The following IL34 variants were observed in gnomAD, a reference collection of about 807,000 sequenced individuals.
The protein encoded by IL34 is interleukin-34.
Under a neutral mutation model 25.3 loss-of-function variants are expected in IL34, and 17 were observed. That is an observed-to-expected ratio of 0.67 (90% CI 0.46 to 1.01). IL34 has a LOEUF of 1.01. IL34 is among the 50% of genes least tolerant of loss of function. IL34 has a pLI of 0.00. For synonymous variants in IL34, 174 were observed against 140.9 expected (o/e 1.23, Z -1.66); for missense variants, 368 against 312.9 (o/e 1.18, Z -1.33).
rs142587592 is a variant in IL34, at chr16:70,657,049, C to T, written c.330C>T (p.Leu110=). Residue 110 remains leucine (L), a synonymous_variant, in exon 4 of 6, where the codon CTC becomes CTT. Coordinates refer to ENST00000288098, the MANE Select transcript of IL34 (RefSeq NM_001393494.1). ...CTGAGTCGGTGCAGGACGTGCTGCT[C>T]GAGGGCCACCCATCCTGGAAGTACC... is the stretch of plus-strand genomic sequence containing the variant. The part of the protein sequence containing the change: ...SATESVQDVL[L]EGHPSWKYLQ... The T allele has an allele frequency of 1.4e-5, 23 of 1,612,646 alleles. No individual in the cohort carries two copies. The East Asian group carries it at 2.9e-4, about 20-fold the overall frequency.
intron 1 of IL34, among the ~76,000 whole-genome samples, chr16:70,619,081 G>T (rs1003928452): frequency 4.6e-5 from 7 of 152,208 alleles, no homozygotes; most frequent in African/African-American, 1.4e-4. Flanking sequence ...GAACTAACTT[G>T]TAAGGCTTGT....
rs555592203 is a variant in IL34, at chr16:70,623,510, C to A, written c.-400-23038C>A. Among the ~76,000 whole-genome samples the A allele has an allele frequency of 6.6e-5, 10 of 152,102 alleles. No individual in the cohort carries two copies. In the East Asian group the frequency reaches 1.5e-3, roughly 24 times the overall value. ...AGGCGAGTGATAACAGGCTTTAATCCTTTCAAAGCATGCTGTGGGATGGGA... is the reference window on the plus strand; with the variant it reads ...AGGCGAGTGATAACAGGCTTTAATCATTTCAAAGCATGCTGTGGGATGGGA... On this transcript the variant is annotated intron_variant, in intron 1 of 6. Coordinates refer to the IL34 transcript ENST00000429149.
chr16:70,606,817 G>A (rs1405911716), intron 1 of IL34, among the ~76,000 whole-genome samples: 3 of 152,104 alleles, frequency 2.0e-5, no homozygotes, highest in Admixed American at 1.3e-4. Flanking sequence ...TGAACTCCTA[G>A]GCTCAGATGA....
chr16:70,656,601 GA>G lies in IL34; in HGVS notation c.165del (p.Lys55AsnfsTer31). ...CATAGTTTGTTCTTGTGCCTCTCCA[GA>G]AACACTACTTCCCCATCAACTACAA... ...LQYRSRLQYM[K>X]HYFPINYKIS... is the part of the protein sequence containing the mutation. On this transcript the variant is annotated frameshift_variant and splice_region_variant, in exon 3 of 6. Transcript: ENST00000288098. LOFTEE classifies it high-confidence loss of function. 7.7e-7 allele frequency: 1 copy of G among 1,295,732 alleles called. No individual in the cohort carries two copies. The allele number at this position is 1,295,732 out of a possible 1,614,324, so 80.3% of individuals were successfully genotyped here.
chr16:70,618,449 A>G (rs192150587), intron 1 of IL34, among the ~76,000 whole-genome samples: 4,823 of 152,272 alleles, frequency 0.032, 254 homozygotes, highest in African/African-American at 0.11. Flanking sequence ...CAGAAATTAT[A>G]TGCGTCAGGT....
intron 1 of IL34, among the ~76,000 whole-genome samples, chr16:70,649,237 T>C (rs1325694700): frequency 6.6e-6 from 1 of 152,242 alleles, no homozygotes; most frequent in African/African-American, 2.4e-5. Context: ...AGAGCAGGGC[T>C]GTGCCAGAGG....
chr16:70,632,251 G>T (rs2051536577), intron 1 of IL34, among the ~76,000 whole-genome samples: 1 of 152,284 alleles, frequency 6.6e-6, no homozygotes, highest in South Asian at 2.1e-4. Context: ...GTAGGGATTG[G>T]GCCAGGTGGT....
intron 1 of IL34, among the ~76,000 whole-genome samples, chr16:70,603,046 GT>G (rs1294277472): frequency 5.3e-5 from 8 of 151,922 alleles, no homozygotes; most frequent in African/African-American, 1.9e-4. Flanking sequence ...CATTCTATTA[GT>G]TTTTCCGTGA....
At chr16:70,588,268 C>G (rs1213913742) in intron 1 of IL34, among the ~76,000 whole-genome samples, 1 of 151,956 alleles carries the variant, frequency 6.6e-6, no homozygotes, top group Non-Finnish European at 1.5e-5. Context: ...GGTGGATCAC[C>G]TGAAGGTCAG....
At chr16:70,649,952 C>G (rs996762861) in intron 1 of IL34, among the ~76,000 whole-genome samples, 3 of 152,154 alleles carry the variant, frequency 2.0e-5, no homozygotes, top group Non-Finnish European at 2.9e-5. Flanking sequence ...GCACCTGCCA[C>G]TGCGCCTGGC....
At chr16:70,580,529 G>T (rs1295492167) in intron 1 of IL34, among the ~76,000 whole-genome samples, 2 of 152,202 alleles carry the variant, frequency 1.3e-5, no homozygotes, top group East Asian at 3.9e-4. Context: ...CCTGTAATCT[G>T]TAATCCCAGC....
At chr16:70,620,172 T>C (rs1036400437) in intron 1 of IL34, among the ~76,000 whole-genome samples, 96 of 152,308 alleles carry the variant, frequency 6.3e-4, no homozygotes, top group African/African-American at 2.1e-3. Flanking sequence ...TAATAAAATG[T>C]ATTTTGAGAA....
intron 1 of IL34, among the ~76,000 whole-genome samples, chr16:70,587,268 TGA>T (rs1385149369): frequency 6.6e-6 from 1 of 151,338 alleles, no homozygotes; most frequent in Non-Finnish European, 1.5e-5. Flanking sequence ...CAGACAGCGC[TGA>T]GTTTTGCTTT....
At chr16:70,643,485 C>G (rs532765009), upstream of IL34, among the ~76,000 whole-genome samples, 1 of 152,244 alleles carries the variant, frequency 6.6e-6, no homozygotes, top group African/African-American at 2.4e-5. Flanking sequence ...ATCCTCCCAT[C>G]TCAGCCTCCC....
intron 1 of IL34, among the ~76,000 whole-genome samples, chr16:70,632,201 C>G (rs950969449): frequency 6.6e-6 from 1 of 151,938 alleles, no homozygotes; most frequent in Non-Finnish European, 1.5e-5. Flanking sequence ...ATGGTAAGCA[C>G]CAGTGAATAT....
In IL34 at chr16:70,599,289, C is replaced by CT. The variant is rs1349606771; in HGVS notation, c.-401+19243dup. ...TGTTTCTTTCTTTCTTTCTTTCTTT[C>CT]TTTCTTCTTTCTTTCCTTCTTTCTT... On this transcript the variant is annotated intron_variant, in intron 1 of 6. Transcript: ENST00000429149. Among the ~76,000 whole-genome samples, 110 of 124,644 alleles carry CT rather than the reference C, an allele frequency of 8.8e-4. 1 individual carries two copies. The highest frequency in any genetic ancestry group is 3.3e-3 in the African/African-American group (102 of 31,174). The allele number at this position is 124,644 out of a possible 152,430, so 81.8% of individuals were successfully genotyped here. A position where few individuals can be genotyped will look rare whatever the true frequency, so the allele number is the denominator to read the frequency against.
intron 1 of IL34, among the ~76,000 whole-genome samples, chr16:70,580,444 T>C (rs1016709307): frequency 6.6e-6 from 1 of 152,206 alleles, no homozygotes; most frequent in African/African-American, 2.4e-5. Context: ...CTTAATGTAC[T>C]GTGTGTGTGG....
At chr16:70,594,059 A>G (rs1394300733) in intron 1 of IL34, among the ~76,000 whole-genome samples, 1 of 152,162 alleles carries the variant, frequency 6.6e-6, no homozygotes, top group Non-Finnish European at 1.5e-5. Context: ...GAAGTCAGGG[A>G]GTGTCAGTTC....
intron 1 of IL34, among the ~76,000 whole-genome samples, chr16:70,652,089 C>T (rs1443436737): frequency 7.9e-5 from 12 of 151,280 alleles, no homozygotes; most frequent in African/African-American, 1.9e-4. Flanking sequence ...GATTGCGCCA[C>T]GGCACTCCAG....
Sources: allele counts gnomAD v4.1 joint callset (sites outside exome capture counted in the v4.1 genomes callset), GRCh38; gene constraint gnomAD v4.1.1; transcripts MANE v1.5; gene names NCBI Gene and HGNC (gene_info 2026-07-23, HGNC 2026-07-21).